PAIP2B: variants seen among roughly 807,000 people sequenced by gnomAD.
The protein encoded by PAIP2B is poly(A) binding protein interacting protein 2B.
In PAIP2B, 13 loss-of-function variants were observed where a neutral mutation model predicts 17.0. The observed-to-expected ratio is 0.76, with a 90% CI of 0.50 to 1.22. The LOEUF (loss-of-function observed/expected upper bound fraction) is 1.22. PAIP2B is among the 50% of genes most tolerant of loss of function. PAIP2B has a pLI of 0.00. For missense variants in PAIP2B, 117 were observed against 144.5 expected (o/e 0.81, Z 0.98); for synonymous variants, 43 against 48.7 (o/e 0.88, Z 0.48).
At chr2:71,213,162 A>G (rs1015636089) in intron 1 of PAIP2B, among the ~76,000 whole-genome samples, 6 of 152,194 alleles carry the variant, frequency 3.9e-5, no homozygotes, top group Admixed American at 2.6e-4. Context: ...GAGCTGTATA[A>G]TAAGAATAAA....
chr2:71,207,522 ACCGTAGCATGATT>A (rs1675163615), intron 1 of PAIP2B, among the ~76,000 whole-genome samples: 2 of 134,816 alleles, frequency 1.5e-5, no homozygotes, highest in African/African-American at 5.4e-5. Context: ...CTTATAATGC[ACCGTAGCATGATT>A]CGACATATTT....
chr2:71,203,525 C>A (rs2103787412), intron 1 of PAIP2B, among the ~76,000 whole-genome samples: 1 of 152,078 alleles, frequency 6.6e-6, no homozygotes, highest in South Asian at 2.1e-4. Context: ...TTTTCTAAAC[C>A]ATTGCCAATC....
At chr2:71,193,914 G>T (rs1674751041) in intron 2 of PAIP2B, among the ~76,000 whole-genome samples, 1 of 152,162 alleles carries the variant, frequency 6.6e-6, no homozygotes, top group African/African-American at 2.4e-5. Context: ...TGTAAGGAAG[G>T]GGTCCAGCTT....
intron 2 of PAIP2B, among the ~76,000 whole-genome samples, chr2:71,198,434 C>T (rs927717559): frequency 8.8e-4 from 132 of 150,092 alleles, no homozygotes; most frequent in African/African-American, 2.9e-3. Context: ...TACAGGCGCC[C>T]GCTACCACGC....
chr2:71,206,282 T>C (rs1452602838), intron 1 of PAIP2B, among the ~76,000 whole-genome samples: 1 of 152,244 alleles, frequency 6.6e-6, no homozygotes, highest in Non-Finnish European at 1.5e-5. Context: ...CAACAGTAGA[T>C]AAAGGAGTTT....
At chr2:71,196,106 T>C (rs1373106550) in intron 2 of PAIP2B, among the ~76,000 whole-genome samples, 1 of 152,226 alleles carries the variant, frequency 6.6e-6, no homozygotes, top group Non-Finnish European at 1.5e-5. Flanking sequence ...GTTGTGATGT[T>C]AGGTTGTTAA....
At chr2:71,223,239 C>A (rs1306288972) in intron 1 of PAIP2B, among the ~76,000 whole-genome samples, 2 of 151,988 alleles carry the variant, frequency 1.3e-5, no homozygotes, top group East Asian at 3.9e-4. Flanking sequence ...ATGGTGAAAC[C>A]CTGTTTCTAC....
chr2:71,198,654 C>G (rs985564701), intron 2 of PAIP2B, among the ~76,000 whole-genome samples: 2 of 152,098 alleles, frequency 1.3e-5, no homozygotes, highest in Non-Finnish European at 2.9e-5. Flanking sequence ...GACTCCTGAC[C>G]TTAGGTGATC....
intron 1 of PAIP2B, among the ~76,000 whole-genome samples, chr2:71,211,926 GTCC>G (rs1186746249): frequency 6.6e-6 from 1 of 152,152 alleles, no homozygotes; most frequent in Non-Finnish European, 1.5e-5. Context: ...CCACCTTTGA[GTCC>G]TCAAGTTCCA....
At chr2:71,191,524 A>G (rs1674687004) in intron 2 of PAIP2B, among the ~76,000 whole-genome samples, 1 of 152,244 alleles carries the variant, frequency 6.6e-6, no homozygotes, top group Non-Finnish European at 1.5e-5. Context: ...GAGCCACATT[A>G]GGTGGAAATT....
At position 71,185,428 on chromosome 2, in the gene PAIP2B, C is replaced by T. The variant is rs928125715; in HGVS notation, c.*3051G>A. On this transcript the variant is annotated 3_prime_UTR_variant, in exon 4 of 4. Transcript: ENST00000244221. ...AAAATAATAAAAATAATTAGCTGGC[C>T]GTGGTGGTGCGTACCTGTTGTCCCA... is the stretch of plus-strand genomic sequence containing the variant. 8 of 151,618 alleles carry T rather than the reference C, an allele frequency of 5.3e-5. No individual in the cohort carries two copies. The highest frequency in any genetic ancestry group is 1.9e-4 in the East Asian group (1 of 5,162). 9.4% of individuals were successfully genotyped at this position (151,618 alleles called of 1,614,324 possible).
At position 71,186,400 on chromosome 2, in the gene PAIP2B, T is replaced by C. The variant is rs1416492200; in HGVS notation, c.*2079A>G. 1 of 152,260 alleles carries C rather than the reference T, an allele frequency of 6.6e-6. No individual in the cohort carries two copies. The highest frequency in any genetic ancestry group is 1.5e-5 in the Non-Finnish European group (1 of 68,050). The allele number at this position is 152,260 out of a possible 1,614,324, so 9.4% of individuals were successfully genotyped here. A position where few individuals can be genotyped will look rare whatever the true frequency, so the allele number is the denominator to read the frequency against. On this transcript the variant is annotated 3_prime_UTR_variant, in exon 4 of 4. Coordinates refer to ENST00000244221, the MANE Select transcript of PAIP2B (RefSeq NM_020459.1). ...TTCAGTGTCTGAAGAAGACTAGAAA[T>C]GCCAGCCCTCAGTGTCCATGCTAAA...
At chr2:71,199,876 G>A (rs1234572127) in intron 2 of PAIP2B, among the ~76,000 whole-genome samples, 1 of 152,184 alleles carries the variant, frequency 6.6e-6, no homozygotes, top group African/African-American at 2.4e-5. Flanking sequence ...AGTTTTGTAT[G>A]TGTGTGGGTG....
chr2:71,190,443 T>C (rs972554291), intron 2 of PAIP2B, among the ~76,000 whole-genome samples: 3 of 151,922 alleles, frequency 2.0e-5, no homozygotes, highest in African/African-American at 7.3e-5. Context: ...TAAAAATATA[T>C]TTAAAAAAAA....
At chr2:71,192,956 C>T (rs762277857) in intron 2 of PAIP2B, among the ~76,000 whole-genome samples, 7 of 152,150 alleles carry the variant, frequency 4.6e-5, no homozygotes, top group Admixed American at 1.3e-4. Context: ...GGTCTACAAC[C>T]AGTAATGGGA....
chr2:71,212,528 G>A (rs911576161), intron 1 of PAIP2B, among the ~76,000 whole-genome samples: 1 of 152,208 alleles, frequency 6.6e-6, no homozygotes, highest in East Asian at 1.9e-4. Context: ...AGCACTCTTC[G>A]TTGAGTATGA....
intron 3 of PAIP2B, among the ~76,000 whole-genome samples, 173 bp downstream of exon 3, chr2:71,189,672 G>A (rs1328863155): frequency 6.6e-6 from 1 of 152,164 alleles, no homozygotes; most frequent in East Asian, 1.9e-4. Flanking sequence ...TTTATGAGGA[G>A]CAATGCATCT....
rs1356295430 is a variant in PAIP2B, at chr2:71,184,326, T to A, written c.*4153A>T. 6.6e-6 allele frequency: 1 copy of A among 152,134 alleles called. No homozygotes were observed. The highest frequency in any genetic ancestry group is 6.5e-5 in the Admixed American group (1 of 15,270). The allele number at this position is 152,134 out of a possible 1,614,324, so 9.4% of individuals were successfully genotyped here. ...GTCCCCTGGGACTGGGGAAGGTGAA[T>A]CTCCTGCCTGACACCTTGTAGAGAT... is the stretch of plus-strand genomic sequence containing the variant. On this transcript the variant is annotated 3_prime_UTR_variant, in exon 4 of 4. Coordinates refer to ENST00000244221, the MANE Select transcript of PAIP2B (RefSeq NM_020459.1).
chr2:71,197,402 T>A (rs1049323603), intron 2 of PAIP2B, among the ~76,000 whole-genome samples: 5 of 152,198 alleles, frequency 3.3e-5, no homozygotes, highest in African/African-American at 1.2e-4. Flanking sequence ...CTGATAGGGA[T>A]CTCTTTGTAG....
Sources: allele counts gnomAD v4.1 joint callset (sites outside exome capture counted in the v4.1 genomes callset), GRCh38; gene constraint gnomAD v4.1.1; transcripts MANE v1.5; gene names NCBI Gene and HGNC (gene_info 2026-07-23, HGNC 2026-07-21).